SLC7A1: variants seen among roughly 807,000 people sequenced by gnomAD.
SLC7A1 encodes high affinity cationic amino acid transporter 1.
A neutral mutation model predicts 53.9 loss-of-function variants in SLC7A1; 10 were observed. The ratio of observed to expected loss-of-function variants is 0.19; its 90% CI spans 0.11 to 0.31. SLC7A1 has a LOEUF of 0.31. Ranked by LOEUF, SLC7A1 falls within the 10% of genes least tolerant of loss-of-function variation. The probability of loss-of-function intolerance (pLI) is 1.00; values close to 1 mark genes in which losing one functional copy is unlikely to be tolerated. For missense variants in SLC7A1, 525 were observed against 827.2 expected, an observed-to-expected ratio of 0.63 and a Z score of 4.48; for synonymous variants, 342 against 338.7, an observed-to-expected ratio of 1.01 and a Z score of -0.11.
intron 1 of SLC7A1, among the ~76,000 whole-genome samples, chr13:29,565,816 C>T (rs557464131): frequency 2.6e-5 from 4 of 152,326 alleles, no homozygotes; most frequent in South Asian, 4.1e-4. Context: ...TCCCAGTTCT[C>T]GGGCAGCCTC....
At chr13:29,532,681 G>T in intron 4 of SLC7A1, 143 bp downstream of exon 4, 1 of 649,330 alleles carries the variant, frequency 1.5e-6, no homozygotes, top group Non-Finnish European at 2.6e-6. Flanking sequence ...AAATAAAGAT[G>T]CCTGCATGCA....
chr13:29,547,474 A>G (rs545421436), intron 2 of SLC7A1, among the ~76,000 whole-genome samples: 1 of 152,342 alleles, frequency 6.6e-6, no homozygotes, highest in South Asian at 2.1e-4. Context: ...TACGTGTTAC[A>G]TTAGAGAAAA....
In SLC7A1 at chr13:29,516,087, A is replaced by AC. The variant is rs764047761; in HGVS notation, c.1786+50dup. The AC allele has an allele frequency of 5.4e-6, 6 of 1,102,118 alleles. No homozygotes were observed. The East Asian group carries it at 1.2e-4, about 22-fold the overall frequency. The allele number at this position is 1,102,118 out of a possible 1,614,324, so 68.3% of individuals were successfully genotyped here. ...TGTTATGAAATCTGAAACAAGGGAG[A>AC]CCCCCAGGGGAAGCCAGGATCTTGG... is the stretch of plus-strand genomic sequence containing the variant. On this transcript the variant is annotated intron_variant, in intron 12 of 12. Coordinates refer to ENST00000380752, the MANE Select transcript of SLC7A1 (RefSeq NM_003045.5).
chr13:29,583,443 G>C (rs1871739908), intron 1 of SLC7A1, among the ~76,000 whole-genome samples: 1 of 152,186 alleles, frequency 6.6e-6, no homozygotes, highest in Admixed American at 6.5e-5. Context: ...AGAGACTCTT[G>C]CTGGGACCTC....
At chr13:29,568,413 T>C (rs1871057551) in intron 1 of SLC7A1, among the ~76,000 whole-genome samples, 1 of 152,242 alleles carries the variant, frequency 6.6e-6, no homozygotes, top group Admixed American at 6.5e-5. Flanking sequence ...CATCCACCAC[T>C]CAGCCTGCGA....
Position 29,523,381 on chromosome 13 carries a change from T to A in SLC7A1, c.934A>T (p.Met312Leu). The change falls in exon 7 of 13, where the codon ATG (methionine) becomes TTG (leucine). Residue 312 changes from methionine to leucine, a missense_variant. Physicochemically the swap from Met to Leu is conservative, Grantham distance 15. Transcript: ENST00000380752. The stretch of plus-strand genomic sequence containing the variant: ...TTATTGTCCAGGCAGAAGTAGGGCA[T>A]CATGAGCGTGAGGGCAGCCGACACC... ...FGVSAALTLM[M>L]PYFCLDNNSP... The A allele has an allele frequency of 5.0e-6, 8 of 1,613,752 alleles. No individual in the cohort carries two copies. Among genetic ancestry groups the A allele is most frequent in the South Asian group, 1.1e-5 (1 of 91,062 alleles).
intron 1 of SLC7A1, among the ~76,000 whole-genome samples, chr13:29,561,392 A>C (rs1870748340): frequency 6.6e-6 from 1 of 152,166 alleles, no homozygotes; most frequent in African/African-American, 2.4e-5. Context: ...GAAGTCAACC[A>C]ATAGCTACAA....
Position 29,527,530 on chromosome 13 carries a change from G to C in SLC7A1, c.704+3008C>G, listed in dbSNP as rs919561781. ...CCTTTTACATGCGTGTGGCAGTTGT[G>C]TTCACTCATCATCTGGCAACTCACA... On this transcript the variant is annotated intron_variant, in intron 5 of 12. Transcript: ENST00000380752. Among the ~76,000 whole-genome samples, 10 of 152,304 alleles carry C rather than the reference G, an allele frequency of 6.6e-5. No individual in the cohort carries two copies. The East Asian group carries it at 1.9e-3, about 29-fold the overall frequency.
chr13:29,585,629 T>C (rs1871849184), intron 1 of SLC7A1, among the ~76,000 whole-genome samples: 1 of 152,054 alleles, frequency 6.6e-6, no homozygotes, highest in Non-Finnish European at 1.5e-5. Flanking sequence ...AGTAGTCCCA[T>C]CCCAAACAGC....
rs1883344513 is a variant in SLC7A1, at chr13:29,509,962, A to ATAAG, written c.*4514_*4517dup. The ATAAG allele has an allele frequency of 6.6e-6, 1 of 152,648 alleles. No homozygotes were observed. The highest frequency in any genetic ancestry group is 2.1e-4 in the South Asian group (1 of 4,834). 9.5% of individuals were successfully genotyped at this position (152,648 alleles called of 1,614,324 possible). ...ATATTATAACTTCTCAAATGGGAAA[A>ATAAG]TAAGTCCCAAACTTAATAGTCTGTC... is the stretch of plus-strand genomic sequence containing the variant. On this transcript the variant is annotated 3_prime_UTR_variant, in exon 13 of 13. Coordinates refer to ENST00000380752, the MANE Select transcript of SLC7A1 (RefSeq NM_003045.5).
At chr13:29,560,129 ATT>A (rs1042249020) in intron 1 of SLC7A1, among the ~76,000 whole-genome samples, 5 of 151,264 alleles carry the variant, frequency 3.3e-5, no homozygotes, top group Non-Finnish European at 7.4e-5. Context: ...TCTATTTTGA[ATT>A]TTTTTGTTTT....
At chr13:29,590,799 G>T (rs781103648) in intron 1 of SLC7A1, among the ~76,000 whole-genome samples, 6 of 152,096 alleles carry the variant, frequency 3.9e-5, no homozygotes, top group Non-Finnish European at 7.4e-5. Context: ...AAATTAAGTT[G>T]TTGTAAAAAT....
chr13:29,591,797 A>C (rs572510599), intron 1 of SLC7A1, among the ~76,000 whole-genome samples: 1 of 151,796 alleles, frequency 6.6e-6, no homozygotes, highest in East Asian at 1.9e-4. Flanking sequence ...CTCCAAATAA[A>C]CCCCCAGGTT....
intron 1 of SLC7A1, among the ~76,000 whole-genome samples, chr13:29,563,585 C>T (rs1870851361): frequency 6.6e-6 from 1 of 152,120 alleles, no homozygotes; most frequent in African/African-American, 2.4e-5. Context: ...GACAAGTTTC[C>T]CATCGCAATG....
chr13:29,514,799 G>T (rs752746999), intron 12 of SLC7A1, among the ~76,000 whole-genome samples: 1 of 152,236 alleles, frequency 6.6e-6, no homozygotes, highest in Non-Finnish European at 1.5e-5. Context: ...AAAGCCCTAC[G>T]TTCCTCTGGA....
chr13:29,523,888 T>TG (rs1868755618), intron 6 of SLC7A1, among the ~76,000 whole-genome samples: 2 of 152,210 alleles, frequency 1.3e-5, no homozygotes, highest in African/African-American at 4.8e-5. Flanking sequence ...CACACAGCTA[T>TG]GATCCCATTC....
intron 5 of SLC7A1, among the ~76,000 whole-genome samples, chr13:29,526,388 C>T (rs1868893634): frequency 6.6e-6 from 1 of 152,152 alleles, no homozygotes; most frequent in Non-Finnish European, 1.5e-5. Context: ...AAGAGGATTG[C>T]TCGAGCCCAG....
intron 1 of SLC7A1, among the ~76,000 whole-genome samples, chr13:29,594,047 G>A (rs954820886): frequency 6.6e-6 from 1 of 152,078 alleles, no homozygotes; most frequent in Non-Finnish European, 1.5e-5. Context: ...ATAACAGGAG[G>A]GTGTGTTCAT....
intron 5 of SLC7A1, among the ~76,000 whole-genome samples, chr13:29,529,964 G>A (rs1182822020): frequency 6.6e-6 from 1 of 152,220 alleles, no homozygotes; most frequent in African/African-American, 2.4e-5. Flanking sequence ...GTCTGTGTCA[G>A]AGACATGAGG....
Sources: allele counts gnomAD v4.1 joint callset (sites outside exome capture counted in the v4.1 genomes callset), GRCh38; gene constraint gnomAD v4.1.1; transcripts MANE v1.5; gene names NCBI Gene and HGNC (gene_info 2026-07-23, HGNC 2026-07-21).